The following PTPRD variants were observed in gnomAD, a reference collection of about 807,000 sequenced individuals.
The protein encoded by PTPRD is protein tyrosine phosphatase receptor type D.
Under a neutral mutation model 214.5 loss-of-function variants are expected in PTPRD, and 34 were observed. The observed-to-expected ratio is 0.16, with a 90% confidence interval of 0.12 to 0.21. The LOEUF is 0.21. Among genes scored for constraint, PTPRD ranks in the 10% least tolerant of loss-of-function variants. The pLI is 1.00. For missense variants in PTPRD, 2,545 were observed against 2,398.7 expected (o/e 1.06, Z -1.27); for synonymous variants, 1,128 against 845.7 (o/e 1.33, Z -5.79).
chr9:9,565,210 C>G (rs920699082), intron 8 of PTPRD, among the ~76,000 whole-genome samples: 3 of 151,802 alleles, frequency 2.0e-5, no homozygotes, highest in Admixed American at 6.6e-5. Context: ...ATTTACCTCA[C>G]TTTTTGCAAC....
At chr9:10,241,605 T>G (rs2091063006) in intron 3 of PTPRD, among the ~76,000 whole-genome samples, 1 of 151,990 alleles carries the variant, frequency 6.6e-6, no homozygotes, top group Non-Finnish European at 1.5e-5. Flanking sequence ...GCACATTGCA[T>G]GATTTCAATC....
chr9:10,176,481 A>G (rs2099249456), intron 3 of PTPRD, among the ~76,000 whole-genome samples: 1 of 152,018 alleles, frequency 6.6e-6, no homozygotes, highest in Non-Finnish European at 1.5e-5. Flanking sequence ...AAATCAAATC[A>G]ATTATCAGAC....
intron 5 of PTPRD, among the ~76,000 whole-genome samples, chr9:9,815,851 C>A (rs933069712): frequency 5.9e-5 from 9 of 152,232 alleles, no homozygotes; most frequent in African/African-American, 1.4e-4. Flanking sequence ...TAGTTAGTAA[C>A]ACTGTATTTT....
chr9:8,643,154 G>A (rs77270427), intron 12 of PTPRD, among the ~76,000 whole-genome samples: 1 of 152,214 alleles, frequency 6.6e-6, no homozygotes, highest in East Asian at 1.9e-4. Flanking sequence ...CCACCTGTTA[G>A]TTTTAAAATT....
intron 37 of PTPRD, 136 bp downstream of exon 37, chr9:8,389,096 G>T: frequency 5.2e-6 from 3 of 575,624 alleles, no homozygotes; most frequent in Non-Finnish European, 5.5e-6. Flanking sequence ...TAGAGTTGTT[G>T]ATGCCCATTC....
chr9:10,469,161 A>T (rs2131620441), intron 2 of PTPRD, among the ~76,000 whole-genome samples: 1 of 152,312 alleles, frequency 6.6e-6, no homozygotes, highest in South Asian at 2.1e-4. Flanking sequence ...TCCAAATGGA[A>T]GAAACAAAAG....
chr9:9,916,614 A>G (rs1217655576), intron 5 of PTPRD, among the ~76,000 whole-genome samples: 1 of 151,988 alleles, frequency 6.6e-6, no homozygotes, highest in Non-Finnish European at 1.5e-5. Flanking sequence ...ATAGGGTGAA[A>G]GTTATAAAAA....
chr9:8,691,083 G>C (rs1192724159), intron 12 of PTPRD, among the ~76,000 whole-genome samples: 1 of 152,112 alleles, frequency 6.6e-6, no homozygotes, highest in Non-Finnish European at 1.5e-5. Context: ...CTAAGAATGA[G>C]AAGAAAGGAG....
intron 9 of PTPRD, among the ~76,000 whole-genome samples, chr9:9,281,654 G>C (rs1322793944): frequency 2.0e-5 from 3 of 151,274 alleles, no homozygotes; most frequent in Admixed American, 6.6e-5. Context: ...TGGTGGGAAT[G>C]CAAAATGGTA....
chr9:9,084,311 C>G (rs964296921), intron 10 of PTPRD, among the ~76,000 whole-genome samples: 2 of 152,080 alleles, frequency 1.3e-5, no homozygotes, highest in Non-Finnish European at 2.9e-5. Context: ...AACAGAAAAC[C>G]AAACACCGCA....
intron 5 of PTPRD, among the ~76,000 whole-genome samples, chr9:9,803,003 C>G: frequency 6.6e-6 from 1 of 151,752 alleles, no homozygotes; most frequent in Non-Finnish European, 1.5e-5. Context: ...ACTTGGAAAA[C>G]CTAGTTCCAC....
At chr9:10,272,260 T>C (rs1595857713) in intron 3 of PTPRD, among the ~76,000 whole-genome samples, 1 of 152,248 alleles carries the variant, frequency 6.6e-6, no homozygotes, top group Admixed American at 6.5e-5. Flanking sequence ...TCAAGATACA[T>C]TCATCTTGTA....
intron 2 of PTPRD, among the ~76,000 whole-genome samples, chr9:10,556,673 A>C (rs1204780975): frequency 2.0e-5 from 3 of 152,112 alleles, no homozygotes; most frequent in African/African-American, 7.2e-5. Flanking sequence ...TATTTTTACA[A>C]GATCTTGAGT....
chr9:9,602,173 G>A (rs1234902982), intron 7 of PTPRD, among the ~76,000 whole-genome samples: 1 of 151,858 alleles, frequency 6.6e-6, no homozygotes, highest in East Asian at 1.9e-4. Context: ...TTCAATAATT[G>A]TGAAAACCAG....
intron 11 of PTPRD, among the ~76,000 whole-genome samples, chr9:8,845,038 A>G (rs1351349732): frequency 6.6e-6 from 1 of 152,074 alleles, no homozygotes; most frequent in East Asian, 1.9e-4. Context: ...ATAGTGCTTT[A>G]CTCAGCCTTA....
chr9:8,641,030 T>A (rs1048270698), intron 12 of PTPRD, among the ~76,000 whole-genome samples: 2 of 148,220 alleles, frequency 1.3e-5, no homozygotes, highest in African/African-American at 5.3e-5. Flanking sequence ...AAATCTTTAT[T>A]CTCAGAGGGA....
At chr9:8,832,457 T>C (rs970885788) in intron 11 of PTPRD, among the ~76,000 whole-genome samples, 21 of 125,528 alleles carry the variant, frequency 1.7e-4, no homozygotes, top group African/African-American at 6.3e-4. Flanking sequence ...AATGTGAAAA[T>C]TATGGGGAAA....
intron 11 of PTPRD, among the ~76,000 whole-genome samples, chr9:8,833,227 A>C (rs10121203): frequency 1.3e-5 from 2 of 151,776 alleles, no homozygotes; most frequent in African/African-American, 2.4e-5. Flanking sequence ...TGAAATAACC[A>C]TATTGGACAG....
chr9:9,362,724 T>C (rs1394458114), intron 9 of PTPRD, among the ~76,000 whole-genome samples: 1 of 151,278 alleles, frequency 6.6e-6, no homozygotes, highest in Non-Finnish European at 1.5e-5. Context: ...TTAAAATCTA[T>C]AATACTTTTG....
Sources: allele counts gnomAD v4.1 joint callset (sites outside exome capture counted in the v4.1 genomes callset), GRCh38; gene constraint gnomAD v4.1.1; transcripts MANE v1.5; gene names NCBI Gene and HGNC (gene_info 2026-07-23, HGNC 2026-07-21).